SYT12: variants seen among roughly 807,000 people sequenced by gnomAD.
SYT12 encodes the protein synaptotagmin 12, also known as synaptotagmin-12.
SYT12 carries 27 observed loss-of-function variants against 39.5 expected under a neutral mutation model. The ratio of observed to expected loss-of-function variants is 0.68; its 90% CI spans 0.50 to 0.94. The LOEUF is 0.94. Ranked by LOEUF, SYT12 falls within the 40% of genes least tolerant of loss-of-function variation. SYT12 has a pLI of 0.00. For synonymous variants in SYT12, 233 were observed against 239.7 expected (o/e 0.97, Z 0.26); for missense variants, 536 against 572.6 (o/e 0.94, Z 0.65).
intron 3 of SYT12, among the ~76,000 whole-genome samples, chr11:67,012,920 G>A (rs921749987): frequency 1.3e-5 from 2 of 152,102 alleles, no homozygotes; most frequent in South Asian, 2.1e-4. Flanking sequence ...TCAAATGGAG[G>A]GGACTGTGAA....
At chr11:67,007,818 C>T (rs1209519033) in intron 1 of SYT12, among the ~76,000 whole-genome samples, 1 of 152,098 alleles carries the variant, frequency 6.6e-6, no homozygotes, top group East Asian at 1.9e-4. Flanking sequence ...CCCTCCTTGG[C>T]CTCCCGAAGT....
chr11:67,048,929 T>C lies in SYT12; in HGVS notation c.*172T>C. ...CCAGATTGCAGCAGAGGAGTGGGCGTGGCTCTGTGTCCAGGGCCCCAGGGT... is the reference window on the plus strand; with the variant it reads ...CCAGATTGCAGCAGAGGAGTGGGCGCGGCTCTGTGTCCAGGGCCCCAGGGT... On this transcript the variant is annotated 3_prime_UTR_variant, in exon 8 of 8. Coordinates refer to ENST00000527043, the MANE Select transcript of SYT12 (RefSeq NM_177963.4). 1.3e-6 allele frequency: 1 copy of C among 750,042 alleles called. No homozygotes were observed. The highest frequency in any genetic ancestry group is 2.1e-6 in the Non-Finnish European group (1 of 483,272). 46.5% of individuals were successfully genotyped at this position (750,042 alleles called of 1,614,324 possible).
intron 1 of SYT12, among the ~76,000 whole-genome samples, chr11:67,024,236 C>T (rs1188937860): frequency 6.6e-6 from 1 of 152,232 alleles, no homozygotes; most frequent in Admixed American, 6.5e-5. Context: ...GGAATGTCAG[C>T]TCCTTCTCCC....
chr11:67,045,175 T>C (rs1229995515), intron 6 of SYT12, among the ~76,000 whole-genome samples: 1 of 147,478 alleles, frequency 6.8e-6, no homozygotes, highest in African/African-American at 2.5e-5. Flanking sequence ...TCTGCAGGAG[T>C]CCCCAGTCCC....
chr11:67,048,321 C>T (rs1854633448), intron 7 of SYT12, among the ~76,000 whole-genome samples: 1 of 150,958 alleles, frequency 6.6e-6, no homozygotes, highest in South Asian at 2.1e-4. Flanking sequence ...GCATTTGAAA[C>T]CTGGCAGGCA....
At chr11:67,040,999 AAAAAT>A (rs1026375837) in intron 4 of SYT12, among the ~76,000 whole-genome samples, 2 of 152,022 alleles carry the variant, frequency 1.3e-5, no homozygotes, top group Admixed American at 6.6e-5. Context: ...CTCTACCAAA[AAAAAT>A]AAAATAAAAT....
intron 4 of SYT12, among the ~76,000 whole-genome samples, chr11:67,043,132 C>T (rs1233365142): frequency 6.6e-6 from 1 of 152,248 alleles, no homozygotes; most frequent in Non-Finnish European, 1.5e-5. Flanking sequence ...GCCCACCAGG[C>T]AGGACTGGGC....
At chr11:67,026,188 G>A (rs1336654407) in intron 1 of SYT12, among the ~76,000 whole-genome samples, 1 of 152,172 alleles carries the variant, frequency 6.6e-6, no homozygotes, top group Non-Finnish European at 1.5e-5. Context: ...CCAGGGAAGG[G>A]GCAATGCCGA....
At chr11:67,032,943 G>GAAAAT (rs1183040867) in intron 2 of SYT12, 2 of 153,424 alleles carry the variant, frequency 1.3e-5, no homozygotes, top group African/African-American at 4.9e-5. Flanking sequence ...GAAAAGAAAA[G>GAAAAT]AAAGTAGAGC....
chr11:67,033,267 G>C (rs1293733868), intron 2 of SYT12, among the ~76,000 whole-genome samples: 6 of 152,028 alleles, frequency 3.9e-5, no homozygotes, highest in African/African-American at 1.4e-4. Flanking sequence ...TCATATCTCA[G>C]CTTACATGTC....
At chr11:67,042,995 TGA>T (rs1451636232) in intron 4 of SYT12, among the ~76,000 whole-genome samples, 1 of 152,128 alleles carries the variant, frequency 6.6e-6, no homozygotes, top group African/African-American at 2.4e-5. Flanking sequence ...GGTCCAGGGA[TGA>T]GAGCGCCTTT....
upstream of SYT12, among the ~76,000 whole-genome samples, chr11:67,018,272 A>C (rs1431176163): frequency 6.6e-6 from 1 of 152,056 alleles, no homozygotes; most frequent in East Asian, 1.9e-4. Context: ...TCAAAAAAAA[A>C]AATTTTTTTT....
At chr11:67,011,890 C>T (rs1237526794) in intron 3 of SYT12, among the ~76,000 whole-genome samples, 2 of 151,770 alleles carry the variant, frequency 1.3e-5, no homozygotes, top group Non-Finnish European at 2.9e-5. Flanking sequence ...CTCAGCCTCC[C>T]GAGTAGGTGG....
chr11:67,044,519 G>A (rs1950573318), intron 5 of SYT12, 74 bp from the exon 6 acceptor site: 1 of 1,550,764 alleles, frequency 6.4e-7, no homozygotes, highest in South Asian at 1.2e-5. Context: ...GCCTTTCCCT[G>A]GCAACCAAGG....
At chr11:67,043,034 A>C (rs1441774365) in intron 4 of SYT12, among the ~76,000 whole-genome samples, 2 of 152,116 alleles carry the variant, frequency 1.3e-5, no homozygotes, top group African/African-American at 4.8e-5. Context: ...GCAGTGACTA[A>C]AGCATCCCCC....
intron 3 of SYT12, among the ~76,000 whole-genome samples, chr11:67,017,231 A>G (rs920210813): frequency 2.0e-4 from 30 of 152,146 alleles, no homozygotes; most frequent in Non-Finnish European, 4.1e-4. Context: ...CTAAAAGTGA[A>G]AGAGTTGAGG....
At chr11:67,035,837 C>CCTTCCTTCCTTTCTTTCTTTCTTT (rs1412426648) in intron 3 of SYT12, among the ~76,000 whole-genome samples, 3 of 111,140 alleles carry the variant, frequency 2.7e-5, no homozygotes, top group African/African-American at 1.3e-4. Context: ...TTCCTTCCTT[C>CCTTCCTTCCTTTCTTTCTTTCTTT]CTTTCTTTCT....
rs542034496 is a variant in SYT12, at chr11:67,045,382, C to T, written c.959-362C>T. Reference sequence around the variant, plus strand: ...CAAGTTGTTATTTCAGAGCCGCACACGGTTGAGTCAGGCTCTGCTGTGCGG... The same window carrying T: ...CAAGTTGTTATTTCAGAGCCGCACATGGTTGAGTCAGGCTCTGCTGTGCGG... On this transcript the variant is annotated intron_variant, in intron 6 of 7. Coordinates refer to ENST00000527043, the MANE Select transcript of SYT12 (RefSeq NM_177963.4). 4.2e-4 allele frequency among the ~76,000 whole-genome samples: 64 copies of T among 152,158 alleles called. 1 individual carries two copies. The highest frequency in any genetic ancestry group is 2.7e-3 in the South Asian group (13 of 4,826).
At chr11:67,008,885 G>C (rs1215504277) in intron 1 of SYT12, among the ~76,000 whole-genome samples, 4 of 151,980 alleles carry the variant, frequency 2.6e-5, no homozygotes, top group Non-Finnish European at 5.9e-5. Context: ...TTCCGAATGT[G>C]TAACCTGTGG....
Sources: allele counts gnomAD v4.1 joint callset (sites outside exome capture counted in the v4.1 genomes callset), GRCh38; gene constraint gnomAD v4.1.1; transcripts MANE v1.5; gene names NCBI Gene and HGNC (gene_info 2026-07-23, HGNC 2026-07-21).